ANKS1A: variants seen among roughly 807,000 people sequenced by gnomAD.
ANKS1A encodes ankyrin repeat and SAM domain-containing protein 1A.
In ANKS1A, 55 loss-of-function variants were observed where a neutral mutation model predicts 120.3. The observed-to-expected ratio is 0.46, with a 90% CI of 0.37 to 0.57. The LOEUF (loss-of-function observed/expected upper bound fraction) is 0.57. ANKS1A is among the 20% of genes least tolerant of loss of function. The probability of loss-of-function intolerance (pLI) is 0.00; values close to 1 mark genes in which losing one functional copy is unlikely to be tolerated. For synonymous variants in ANKS1A, 590 were observed against 604.7 expected (o/e 0.98, Z 0.36); for missense variants, 1,123 against 1,480.3 (o/e 0.76, Z 3.96).
In ANKS1A at chr6:35,017,819, G is replaced by A. The variant is rs1210028892; in HGVS notation, c.1770G>A (p.Pro590=). The A allele has an allele frequency of 3.7e-6, 6 of 1,614,146 alleles. No individual in the cohort carries two copies. The highest frequency in any genetic ancestry group is 4.5e-5 in the East Asian group (2 of 44,880). The change falls in exon 11 of 24, where the codon CCG becomes CCA. Residue 590 remains proline (P), a synonymous_variant. Transcript: ENST00000360359. ...AAACTTTGACTCACACAGCATCTCC[G>A]CACCCTGGTGGTGCTGAGGAAGGAG... ...HPETLTHTAS[P]HPGGAEEGDR...
chr6:35,080,573 A>G (rs900643121), intron 16 of ANKS1A, among the ~76,000 whole-genome samples: 2 of 152,186 alleles, frequency 1.3e-5, no homozygotes, highest in Non-Finnish European at 2.9e-5. Flanking sequence ...CAGATGAGAA[A>G]GTGGAGGCCC....
chr6:35,013,761 T>C (rs889702048), intron 10 of ANKS1A, among the ~76,000 whole-genome samples: 1 of 152,242 alleles, frequency 6.6e-6, no homozygotes, highest in Non-Finnish European at 1.5e-5. Flanking sequence ...TTCAGAGTTA[T>C]AAGGATGGTG....
chr6:35,045,401 A>G (rs1775672398), intron 11 of ANKS1A, among the ~76,000 whole-genome samples: 1 of 152,180 alleles, frequency 6.6e-6, no homozygotes, highest in African/African-American at 2.4e-5. Flanking sequence ...ACTTTTTTTC[A>G]CCTTATAGAA....
the ANKS1A span, among the ~76,000 whole-genome samples, chr6:35,096,888 CA>C: frequency 7.3e-6 from 1 of 136,574 alleles, no homozygotes; most frequent in Non-Finnish European, 1.6e-5. Context: ...GGTCATTAGT[CA>C]AACCCTCTAA....
intron 9 of ANKS1A, among the ~76,000 whole-genome samples, chr6:34,992,281 T>C (rs1339196969): frequency 6.6e-6 from 1 of 152,156 alleles, no homozygotes; most frequent in Non-Finnish European, 1.5e-5. Flanking sequence ...ACTGTGATGG[T>C]TAGGATCCCT....
At chr6:34,917,247 C>T (rs1028895718) in intron 1 of ANKS1A, among the ~76,000 whole-genome samples, 3 of 152,162 alleles carry the variant, frequency 2.0e-5, no homozygotes, top group Non-Finnish European at 4.4e-5. Flanking sequence ...TCCTTCTCTC[C>T]CCACTGTGGA....
intron 10 of ANKS1A, among the ~76,000 whole-genome samples, chr6:34,995,298 G>C (rs952045435): frequency 6.6e-6 from 1 of 152,162 alleles, no homozygotes; most frequent in African/African-American, 2.4e-5. Flanking sequence ...TGACATTGTA[G>C]ACTTTATTTT....
chr6:34,921,138 T>G (rs943651322), intron 1 of ANKS1A, among the ~76,000 whole-genome samples: 5 of 152,198 alleles, frequency 3.3e-5, no homozygotes, highest in African/African-American at 1.2e-4. Context: ...TGTCCAAAAG[T>G]TAAAAATAGA....
At chr6:35,019,809 T>G (rs774282400) in intron 11 of ANKS1A, among the ~76,000 whole-genome samples, 26 of 152,042 alleles carry the variant, frequency 1.7e-4, no homozygotes, top group Admixed American at 1.2e-3. Context: ...GAGAAAAACA[T>G]CAGTGACTCT....
intron 2 of ANKS1A, 69 bp from the exon 3 acceptor site, chr6:34,969,941 G>A: frequency 6.4e-7 from 1 of 1,558,392 alleles, no homozygotes; most frequent in South Asian, 1.2e-5. Context: ...GTGCCATATA[G>A]GTGTAAAGAG....
At position 34,910,943 on chromosome 6, in the gene ANKS1A, G is replaced by GTGGGGTTTTGTGGAAGGAC. The variant is rs1309543629; in HGVS notation, c.197+21348_197+21366dup. ...GGATATTACAACATAAAATGGGAGA[G>GTGGGGTTTTGTGGAAGGAC]TGGGGTTTTGTGGAAGGACTGGAGT... is the stretch of plus-strand genomic sequence containing the variant. On this transcript the variant is annotated intron_variant, in intron 1 of 23. Coordinates refer to ENST00000360359, the MANE Select transcript of ANKS1A (RefSeq NM_015245.3). Among the ~76,000 whole-genome samples the GTGGGGTTTTGTGGAAGGAC allele has an allele frequency of 4.6e-5, 7 of 152,254 alleles. No individual in the cohort carries two copies. In the South Asian group the frequency reaches 1.0e-3, roughly 23 times the overall value.
chr6:34,937,957 A>G (rs1769340713), intron 1 of ANKS1A, among the ~76,000 whole-genome samples: 1 of 152,204 alleles, frequency 6.6e-6, no homozygotes, highest in South Asian at 2.1e-4. Flanking sequence ...CTAGCATATG[A>G]TTTTAAATGA....
chr6:34,982,928 A>G lies in ANKS1A; in HGVS notation c.808+101A>G, dbSNP rs112585683. The G allele has an allele frequency of 5.7e-6, 8 of 1,399,742 alleles. No homozygotes were observed. Among genetic ancestry groups the G allele is most frequent in the Admixed American group, 1.7e-5 (1 of 58,652 alleles). 86.7% of individuals were successfully genotyped at this position (1,399,742 alleles called of 1,614,324 possible). A position where few individuals can be genotyped will look rare whatever the true frequency, so the allele number is the denominator to read the frequency against. On this transcript the variant is annotated intron_variant, in intron 5 of 23. Transcript: ENST00000360359. This position sits in a 1 kb window ranked among gnomAD's most constrained non-coding sequence, Gnocchi z 4.9. ...TTTTTGCTGGCTGTGTTTGAACTCAATGTATGTGTATCTCCACTGGTTGAT... is the reference window on the plus strand; with the variant it reads ...TTTTTGCTGGCTGTGTTTGAACTCAGTGTATGTGTATCTCCACTGGTTGAT...
intron 1 of ANKS1A, among the ~76,000 whole-genome samples, chr6:34,942,138 G>T (rs183590845): frequency 5.3e-5 from 8 of 152,276 alleles, no homozygotes; most frequent in African/African-American, 1.9e-4. Flanking sequence ...GTTTTTTGAG[G>T]ATAGCTTAAT....
rs1480039237 is a variant in ANKS1A, at chr6:34,970,090, C to G, written c.359C>G (p.Ala120Gly). The change falls in exon 3 of 24, where the codon GCA becomes GGA. Residue 120 changes from alanine (A) to glycine (G), a missense_variant. This residue lies in a region of ANKS1A where 146 missense variants were observed against 267.8 expected (regional missense o/e 0.55). Coordinates refer to ENST00000360359, the MANE Select transcript of ANKS1A (RefSeq NM_015245.3). Reference sequence around the variant, plus strand: ...AAAGGCTGCTACCCTCTGCATTTGGCAGCCTGGAAAGGAGATGCCCAGATA... The same window carrying G: ...AAAGGCTGCTACCCTCTGCATTTGGGAGCCTGGAAAGGAGATGCCCAGATA... ...DSKGCYPLHLAAWKGDAQIVR... is the reference protein window; with the variant it reads ...DSKGCYPLHLGAWKGDAQIVR... The G allele has an allele frequency of 1.2e-6, 2 of 1,614,130 alleles. No homozygotes were observed.
At chr6:35,011,195 G>A (rs977102013) in intron 10 of ANKS1A, among the ~76,000 whole-genome samples, 1 of 152,190 alleles carries the variant, frequency 6.6e-6, no homozygotes, top group African/African-American at 2.4e-5. Flanking sequence ...AGCTGAGTTA[G>A]GTGAATTGGT....
chr6:35,086,846 C>T lies in ANKS1A; in HGVS notation c.3304-106C>T, dbSNP rs1778017648. The T allele has an allele frequency of 2.6e-6, 3 of 1,158,564 alleles. No individual in the cohort carries two copies. The highest frequency in any genetic ancestry group is 2.6e-6 in the Non-Finnish European group (2 of 773,404). 71.8% of individuals were successfully genotyped at this position (1,158,564 alleles called of 1,614,324 possible). ...TGGCCGAGGAGAATAAGGGCTGCCC[C>T]TCCCAGCACAGGGGCCACAGCCTGG... On this transcript the variant is annotated intron_variant, in intron 22 of 23. Coordinates refer to ENST00000360359, the MANE Select transcript of ANKS1A (RefSeq NM_015245.3). The surrounding 1 kb of genome is among the most constrained non-coding windows in gnomAD (Gnocchi z 5.1).
chr6:35,060,076 C>T lies in ANKS1A; in HGVS notation c.2078-71C>T. 3.1e-6 allele frequency: 4 copies of T among 1,283,802 alleles called. No homozygotes were observed. The highest frequency in any genetic ancestry group is 1.5e-5 in the African/African-American group (1 of 68,692). 79.5% of individuals were successfully genotyped at this position (1,283,802 alleles called of 1,614,324 possible). A position where few individuals can be genotyped will look rare whatever the true frequency, so the allele number is the denominator to read the frequency against. On this transcript the variant is annotated intron_variant, in intron 12 of 23. Coordinates refer to ENST00000360359, the MANE Select transcript of ANKS1A (RefSeq NM_015245.3). This position sits in a 1 kb window ranked among gnomAD's most constrained non-coding sequence, Gnocchi z 4.5. ...TGATGTGGCAATGCCATCTATCTTC[C>T]TCTGAGTGCCGCTGCTACCGCCTTA... is the stretch of plus-strand genomic sequence containing the variant.
chr6:35,017,953 C>T lies in ANKS1A; in HGVS notation c.1904C>T (p.Pro635Leu). Residue 635 changes from proline (P) to leucine (L), a missense_variant, in exon 11 of 24, where the codon CCC (proline) becomes CTC (leucine). This residue lies in a region of ANKS1A where 904 missense variants were observed against 1,130.4 expected (regional missense o/e 0.80). Coordinates refer to ENST00000360359, the MANE Select transcript of ANKS1A (RefSeq NM_015245.3). ...KSDSDLLTCS[P>L]TEDATMGSRS... ...GACTCTGATCTCCTGACCTGCTCAC[C>T]CACAGAGGACGCTACCATGGGGAGT... 6.8e-6 allele frequency: 11 copies of T among 1,614,228 alleles called. No individual in the cohort carries two copies. The highest frequency in any genetic ancestry group is 9.3e-6 in the Non-Finnish European group (11 of 1,180,046).
Sources: allele counts gnomAD v4.1 joint callset (sites outside exome capture counted in the v4.1 genomes callset), GRCh38; gene constraint gnomAD v4.1.1; regional missense constraint gnomAD v4.1.1; non-coding constraint Gnocchi (gnomAD v3.1); transcripts MANE v1.5; gene names NCBI Gene and HGNC (gene_info 2026-07-23, HGNC 2026-07-21).